TRPC5: variants seen among roughly 807,000 people sequenced by gnomAD.
TRPC5 encodes transient receptor potential cation channel subfamily C member 5.
Under a neutral mutation model 56.5 loss-of-function variants are expected in TRPC5, and 9 were observed. That is an observed-to-expected ratio of 0.16 (90% CI 0.10 to 0.28). TRPC5 has a LOEUF of 0.28. Ranked by LOEUF, TRPC5 falls within the 10% of genes least tolerant of loss-of-function variation. TRPC5 has a pLI of 1.00. For synonymous variants in TRPC5, 282 were observed against 278.5 expected (o/e 1.01, Z -0.13); for missense variants, 469 against 748.9 (o/e 0.63, Z 4.36).
intron 3 of TRPC5, among the ~76,000 whole-genome samples, chrX:111,858,618 C>T (rs1180037841): frequency 9.0e-6 from 1 of 110,808 alleles, no homozygotes; most frequent in Non-Finnish European, 1.9e-5. Flanking sequence ...TGTCTGTTCC[C>T]CTACATCTTT....
At chrX:111,964,888 C>T (rs1407690689) in intron 1 of TRPC5, among the ~76,000 whole-genome samples, 1 of 111,852 alleles carries the variant, frequency 8.9e-6, no homozygotes, top group Admixed American at 9.5e-5. Flanking sequence ...ATGTAAAGAC[C>T]ATCAAGGCTA....
At chrX:111,837,938 G>A (rs1478884010) in intron 6 of TRPC5, among the ~76,000 whole-genome samples, 1 of 106,376 alleles carries the variant, frequency 9.4e-6, no homozygotes, top group Admixed American at 1.0e-4. Flanking sequence ...CAGGTATGGT[G>A]GCATGTGCCT....
At chrX:111,986,364 T>C (rs1928211164) in intron 1 of TRPC5, among the ~76,000 whole-genome samples, 1 of 101,666 alleles carries the variant, frequency 9.8e-6, no homozygotes, top group South Asian at 3.8e-4. Flanking sequence ...CCCACATATG[T>C]TCCCTGGATT....
chrX:111,873,552 G>T (rs756531083), intron 3 of TRPC5, among the ~76,000 whole-genome samples: 1 of 111,002 alleles, frequency 9.0e-6, no homozygotes, highest in Non-Finnish European at 1.9e-5. Flanking sequence ...GGAGGCTAAC[G>T]CGGGTGGATT....
intron 4 of TRPC5, 34 bp from the exon 5 acceptor site, chrX:111,852,471 T>G: frequency 8.4e-7 from 1 of 1,188,805 alleles, no homozygotes; most frequent in Non-Finnish European, 1.1e-6. Context: ...TATTTCTACA[T>G]AGGGTCAGCC....
intron 2 of TRPC5, among the ~76,000 whole-genome samples, chrX:111,936,083 C>A (rs1229582518): frequency 8.9e-6 from 1 of 111,933 alleles, no homozygotes; most frequent in East Asian, 2.8e-4. Flanking sequence ...TCTTCTAATC[C>A]ATGAACATGG....
intron 7 of TRPC5, among the ~76,000 whole-genome samples, chrX:111,813,385 C>G (rs1921769167): frequency 8.9e-6 from 1 of 112,151 alleles, no homozygotes; most frequent in Admixed American, 9.5e-5. Context: ...TATATATACT[C>G]TGATTGTAGA....
intron 2 of TRPC5, 140 bp from the exon 3 acceptor site, chrX:111,912,952 C>G: frequency 1.6e-6 from 1 of 635,002 alleles, no homozygotes; most frequent in Non-Finnish European, 2.3e-6. Context: ...AACCTCCTTC[C>G]TTATAGCTAA....
intron 7 of TRPC5, among the ~76,000 whole-genome samples, chrX:111,790,234 A>G (rs1287931922): frequency 1.8e-5 from 2 of 111,907 alleles, no homozygotes; most frequent in Non-Finnish European, 3.8e-5. Flanking sequence ...CAGCCATAAA[A>G]AAGGATGAGT....
At chrX:111,808,771 A>G (rs1235565862) in intron 7 of TRPC5, among the ~76,000 whole-genome samples, 3 of 109,436 alleles carry the variant, frequency 2.7e-5, no homozygotes, top group Non-Finnish European at 5.7e-5. Flanking sequence ...CCTGAAGCCA[A>G]TATATTTCTC....
At position 112,043,934 on chromosome X, in the gene TRPC5, T is replaced by C. The variant is rs549032885; in HGVS notation, c.-22+37945A>G. 1.0e-4 allele frequency among the ~76,000 whole-genome samples: 11 copies of C among 110,533 alleles called. No homozygotes were observed. In the Admixed American group the frequency reaches 1.1e-3, roughly 11 times the overall value. ...GAATATTCTAATTTTAGTCTCAGGA[T>C]AAGACAAAACTTTAGTTTAATTGCA... On this transcript the variant is annotated intron_variant, in intron 1 of 10. Coordinates refer to ENST00000262839, the MANE Select transcript of TRPC5 (RefSeq NM_012471.3).
chrX:111,973,825 C>T (rs755051981), intron 1 of TRPC5, among the ~76,000 whole-genome samples: 2 of 111,955 alleles, frequency 1.8e-5, no homozygotes, highest in South Asian at 7.3e-4. Context: ...AGAATCTATG[C>T]TCCTGAGGTT....
intron 1 of TRPC5, among the ~76,000 whole-genome samples, chrX:112,017,932 A>G (rs1929171968): frequency 1.8e-5 from 2 of 112,516 alleles, no homozygotes; most frequent in African/African-American, 6.5e-5. Context: ...TAGTAAGTAT[A>G]AAATACAGAC....
At chrX:111,826,335 A>C (rs1325666467) in intron 7 of TRPC5, among the ~76,000 whole-genome samples, 3 of 112,338 alleles carry the variant, frequency 2.7e-5, no homozygotes, top group Non-Finnish European at 5.6e-5. Flanking sequence ...CTACCAGAAA[A>C]TGTAAATTGT....
At chrX:111,970,944 A>AT (rs1244454296) in intron 1 of TRPC5, among the ~76,000 whole-genome samples, 3 of 109,050 alleles carry the variant, frequency 2.8e-5, no homozygotes, top group Non-Finnish European at 3.8e-5. Context: ...CGCCTGGCTA[A>AT]TTTTTTTGTA....
chrX:112,010,388 T>C (rs1374491192), intron 1 of TRPC5, among the ~76,000 whole-genome samples: 1 of 112,130 alleles, frequency 8.9e-6, no homozygotes, highest in Non-Finnish European at 1.9e-5. Flanking sequence ...CGTACAGCCA[T>C]GCATTTCTTA....
chrX:111,874,359 T>C (rs1923854294), intron 3 of TRPC5, among the ~76,000 whole-genome samples: 1 of 112,669 alleles, frequency 8.9e-6, no homozygotes, highest in Non-Finnish European at 1.9e-5. Flanking sequence ...ACACAGTTCA[T>C]GTAGCTGAAG....
At chrX:112,075,372 T>C (rs761711921) in intron 1 of TRPC5, among the ~76,000 whole-genome samples, 1 of 111,640 alleles carries the variant, frequency 9.0e-6, no homozygotes, top group African/African-American at 3.3e-5. Flanking sequence ...TCCTCACCTG[T>C]TAAATGGGAA....
At chrX:112,076,444 T>C (rs1602426620) in intron 1 of TRPC5, among the ~76,000 whole-genome samples, 1 of 111,583 alleles carries the variant, frequency 9.0e-6, no homozygotes, top group East Asian at 2.8e-4. Flanking sequence ...GTTGCTCTTT[T>C]TTTTTCACCT....
Sources: allele counts gnomAD v4.1 joint callset (sites outside exome capture counted in the v4.1 genomes callset), GRCh38; gene constraint gnomAD v4.1.1; transcripts MANE v1.5; gene names NCBI Gene and HGNC (gene_info 2026-07-23, HGNC 2026-07-21).